Variants in PCSK4 observed in about 807,000 individuals in gnomAD.
PCSK4 encodes the protein proprotein convertase subtilisin/kexin type 4.
In PCSK4, 64 loss-of-function variants were observed where a neutral mutation model predicts 80.3. That is an observed-to-expected ratio of 0.80 (90% CI 0.65 to 0.98). The LOEUF (loss-of-function observed/expected upper bound fraction) is 0.98, where lower values mean the gene tolerates loss of function less well. PCSK4 is among the 50% of genes least tolerant of loss of function. PCSK4 has a pLI of 0.00. For synonymous variants in PCSK4, 561 were observed against 487.6 expected (o/e 1.15, Z -1.98); for missense variants, 1,213 against 1,093.6 (o/e 1.11, Z -1.54).
exon 15 of PCSK4, chr19:1,481,511 C>T: frequency 2.5e-6 from 1 of 405,366 alleles, no homozygotes; most frequent in Non-Finnish European, 4.4e-6. Flanking sequence ...TCTCCCTCCA[C>T]TTTCCCCTGG....
Position 1,487,597 on chromosome 19 carries a change from G to C in PCSK4, c.682+6C>G, listed in dbSNP as rs769075153. ...CGGAATGGTGCCGCTGGGGGACCCC[G>C]GGTACCTCCGATTCGGGCGTTGAAA... On this transcript the variant is annotated splice_donor_region_variant and intron_variant, in intron 6 of 14. Transcript: ENST00000300954. The C allele has an allele frequency of 1.9e-6, 3 of 1,548,638 alleles. No homozygotes were observed. The South Asian group carries it at 3.6e-5, about 18-fold the overall frequency.
chr19:1,482,105 G>T (rs775728141), exon 15 of PCSK4: 1 of 1,551,960 alleles, frequency 6.4e-7, no homozygotes, highest in Non-Finnish European at 8.7e-7. Flanking sequence ...GGGCGCCGCC[G>T]TGTGCCCAGG....
chr19:1,486,064 T>C (rs2084589878), intron 8 of PCSK4, among the ~76,000 whole-genome samples: 1 of 151,566 alleles, frequency 6.6e-6, no homozygotes, highest in Non-Finnish European at 1.5e-5. Context: ...CCTCCATCTC[T>C]GGGGTTCAAG....
At chr19:1,485,949 C>T (rs1182155074) in intron 8 of PCSK4, among the ~76,000 whole-genome samples, 1 of 138,152 alleles carries the variant, frequency 7.2e-6, no homozygotes, top group Non-Finnish European at 1.5e-5. Context: ...CTGTTGCGCC[C>T]GGCTGGATTT....
intron 13 of PCSK4, 138 bp from the exon 14 acceptor site, chr19:1,482,613 C>G: frequency 9.3e-6 from 10 of 1,077,522 alleles, no homozygotes; most frequent in Non-Finnish European, 1.3e-5. Flanking sequence ...AATTGCACAC[C>G]TACTGTGCGC....
At chr19:1,482,764 T>C in intron 13 of PCSK4, 132 bp downstream of exon 13, 2 of 962,232 alleles carry the variant, frequency 2.1e-6, no homozygotes, top group Non-Finnish European at 3.1e-6. Flanking sequence ...GCACGCCTAC[T>C]GTGTGCATGT....
chr19:1,482,672 G>A lies in PCSK4; in HGVS notation c.1697-197C>T, dbSNP rs539743290. ...CCGGGTGACTGCACACCTACTGTGC[G>A]CCTGTCACTGGGCACCTACATCTCC... is the stretch of plus-strand genomic sequence containing the variant. On this transcript the variant is annotated intron_variant, in intron 13 of 14. Transcript: ENST00000300954. 1.1e-4 allele frequency: 82 copies of A among 775,534 alleles called. 1 individual carries two copies. Among genetic ancestry groups the A allele is most frequent in the African/African-American group, 9.9e-4 (57 of 57,410 alleles). The allele number at this position is 775,534 out of a possible 1,614,324, so 48.0% of individuals were successfully genotyped here.
At chr19:1,483,153 C>T in intron 12 of PCSK4, 131 bp downstream of exon 12, 48 of 1,247,178 alleles carry the variant, frequency 3.8e-5, no homozygotes, top group Non-Finnish European at 5.1e-5. Flanking sequence ...GGGTGTGACT[C>T]GGGGTCCCAC....
At chr19:1,481,804 C>T in exon 15 of PCSK4, 1 of 1,523,916 alleles carries the variant, frequency 6.6e-7, no homozygotes, top group Non-Finnish European at 8.8e-7. Flanking sequence ...TGGGGGTGGC[C>T]CTGGCACGGG....
In PCSK4 at chr19:1,482,431, C is replaced by T. The variant is rs1476695621; in HGVS notation, c.1741G>A (p.Asp581Asn). Residue 581 changes from aspartate to asparagine, a missense_variant, in exon 14 of 15, where the codon GAC becomes AAC. By Grantham distance (23) the Asp-to-Asn change is conservative (BLOSUM62 1). Transcript: ENST00000300954. ...GGGCCTGTAGGCCGCGCTGTCATGT[C>T]CTCGGCCGTCCCATAGAGCAGCAGC... 6.2e-7 allele frequency: 1 copy of T among 1,608,454 alleles called. No individual in the cohort carries two copies. Among genetic ancestry groups the T allele is most frequent in the South Asian group, 1.1e-5 (1 of 91,028 alleles).
exon 7 of PCSK4, chr19:1,487,151 C>A: frequency 6.2e-7 from 1 of 1,605,564 alleles, no homozygotes; most frequent in South Asian, 1.1e-5. Context: ...CTTGGTCACA[C>A]CACGCCGGAA....
chr19:1,489,460 A>C, intron 2 of PCSK4: 2 of 306,466 alleles, frequency 6.5e-6, no homozygotes, highest in Non-Finnish European at 1.2e-5. Context: ...GGAACCCATT[A>C]CGGTGTCGTA....
exon 15 of PCSK4, chr19:1,481,831 T>C: frequency 6.4e-7 from 1 of 1,553,740 alleles, no homozygotes; most frequent in South Asian, 1.2e-5. Context: ...AGGCGTATAG[T>C]GGGAGGTCCA....
chr19:1,487,517 TC>T (rs2084693614), intron 6 of PCSK4, 85 bp downstream of exon 6: 1 of 1,227,910 alleles, frequency 8.1e-7, no homozygotes, highest in African/African-American at 1.5e-5. Flanking sequence ...GAGGGTGGGC[TC>T]CCGAGTCCTT....
chr19:1,487,005 C>G (rs200902458), exon 8 of PCSK4: 1 of 1,609,568 alleles, frequency 6.2e-7, no homozygotes, highest in Admixed American at 1.7e-5. Flanking sequence ...TTGCAGTTGT[C>G]GTAGTGCAGG....
Position 1,490,118 on chromosome 19 carries a change from C to T in PCSK4, c.189+40G>A, listed in dbSNP as rs1427962964. 2.5e-6 allele frequency: 4 copies of T among 1,609,544 alleles called. No individual in the cohort carries two copies. The East Asian group carries it at 9.0e-5, about 36-fold the overall frequency. ...TCGGGGTCTAGGGTTGTTCAGTCCC[C>T]TCCAAGCCCCCACTTCCCGTCTATC... On this transcript the variant is annotated intron_variant, in intron 1 of 14. Transcript: ENST00000300954.
intron 8 of PCSK4, 33 bp from the exon 9 acceptor site, chr19:1,484,160 C>G (rs774388465): frequency 5.7e-6 from 7 of 1,236,234 alleles, no homozygotes; most frequent in South Asian, 2.6e-5. Flanking sequence ...CTCGGGGGGC[C>G]GTGCACAGTG....
At chr19:1,487,902 C>T in intron 4 of PCSK4, 41 bp from the exon 5 acceptor site, 1 of 1,577,856 alleles carries the variant, frequency 6.3e-7, no homozygotes, top group Non-Finnish European at 8.6e-7. Flanking sequence ...GGAGGCGTCC[C>T]TAGGGTGGTG....
exon 3 of PCSK4, chr19:1,488,248 C>G (rs754694937): frequency 6.2e-7 from 1 of 1,613,522 alleles, no homozygotes; most frequent in Admixed American, 1.7e-5. Context: ...GTTTCACCCG[C>G]CGCTGCAGCG....
Sources: gnomAD v4.1 joint callset for allele counts (sites outside exome capture counted in the v4.1 genomes callset) on GRCh38, gnomAD v4.1.1 for gene constraint, MANE v1.5 for transcripts, NCBI Gene and HGNC (gene_info 2026-07-23, HGNC 2026-07-21) for gene names.